The following VPS13B variants were observed in gnomAD, a reference collection of about 807,000 sequenced individuals.
VPS13B encodes the protein intermembrane lipid transfer protein VPS13B.
A neutral mutation model predicts 426.4 loss-of-function variants in VPS13B; 285 were observed. The observed-to-expected ratio is 0.67, with a 90% CI of 0.61 to 0.74. VPS13B has a LOEUF of 0.74. Among genes scored for constraint, VPS13B ranks in the 30% least tolerant of loss-of-function variants. The probability of loss-of-function intolerance (pLI) is 0.00; values close to 1 mark genes in which losing one functional copy is unlikely to be tolerated. For missense variants in VPS13B, 4,537 were observed against 4,782.6 expected, an observed-to-expected ratio of 0.95 and a Z score of 1.51; for synonymous variants, 1,676 against 1,676.4, an observed-to-expected ratio of 1.00 and a Z score of 0.01.
chr8:99,721,500 A>G (rs550506692), intron 39 of VPS13B, among the ~76,000 whole-genome samples: 1 of 152,194 alleles, frequency 6.6e-6, no homozygotes, highest in Admixed American at 6.5e-5. Flanking sequence ...TGATTTTTCT[A>G]TTAAAGAAAA....
intron 11 of VPS13B, among the ~76,000 whole-genome samples, chr8:99,135,993 A>T (rs1810052057): frequency 6.6e-6 from 1 of 152,028 alleles, no homozygotes; most frequent in Non-Finnish European, 1.5e-5. Flanking sequence ...ATGTTGAATT[A>T]CCTCTGTTAA....
intron 35 of VPS13B, among the ~76,000 whole-genome samples, chr8:99,678,977 G>A (rs1831049932): frequency 6.6e-6 from 1 of 151,998 alleles, no homozygotes; most frequent in Non-Finnish European, 1.5e-5. Context: ...TCTCACCATT[G>A]GCAGTGAGAA....
At chr8:99,284,269 A>G (rs1041807390) in intron 19 of VPS13B, among the ~76,000 whole-genome samples, 2 of 152,220 alleles carry the variant, frequency 1.3e-5, no homozygotes, top group Admixed American at 1.3e-4. Flanking sequence ...TCTTTATTAA[A>G]GCACCACCTT....
intron 3 of VPS13B, among the ~76,000 whole-genome samples, chr8:99,081,582 A>ATCCCCACAACAGGCCCCC (rs1845461747): frequency 7.5e-5 from 2 of 26,730 alleles, no homozygotes; most frequent in African/African-American, 1.4e-4. Context: ...CCCCTCCCCC[A>ATCCCCACAACAGGCCCCC]ACCCCACAAC....
intron 44 of VPS13B, among the ~76,000 whole-genome samples, chr8:99,814,029 A>G (rs1260993251): frequency 6.6e-6 from 1 of 152,114 alleles, no homozygotes; most frequent in Non-Finnish European, 1.5e-5. Flanking sequence ...AGTCCAAGCT[A>G]CTTAGGAGGC....
chr8:99,620,279 C>T (rs1828292852), intron 33 of VPS13B, among the ~76,000 whole-genome samples: 1 of 152,204 alleles, frequency 6.6e-6, no homozygotes, highest in Non-Finnish European at 1.5e-5. Context: ...AAGTTTAACC[C>T]AGTTCAGGTG....
At chr8:99,034,576 C>T (rs1019054929) in intron 2 of VPS13B, among the ~76,000 whole-genome samples, 12 of 152,066 alleles carry the variant, frequency 7.9e-5, no homozygotes, top group Non-Finnish European at 1.6e-4. Flanking sequence ...TACTATCTTG[C>T]ACATGCATAC....
intron 44 of VPS13B, among the ~76,000 whole-genome samples, chr8:99,811,473 A>G (rs1416741672): frequency 6.6e-6 from 1 of 152,116 alleles, no homozygotes; most frequent in Non-Finnish European, 1.5e-5. Context: ...CTGGGTCCCA[A>G]CCCCAGAGTT....
intron 23 of VPS13B, 112 bp downstream of exon 23, chr8:99,442,747 A>AT: frequency 8.8e-7 from 1 of 1,131,040 alleles, no homozygotes; most frequent in Admixed American, 2.1e-5. Context: ...TCATTGAAAG[A>AT]TTTTTCCTGA....
intron 39 of VPS13B, among the ~76,000 whole-genome samples, chr8:99,737,103 CTTCTT>C (rs1408133838): frequency 3.2e-4 from 16 of 50,680 alleles, no homozygotes; most frequent in African/African-American, 1.4e-3. Flanking sequence ...TGAAGATGTC[CTTCTT>C]TTTTTTTTTT....
chr8:99,470,424 A>G (rs916401026), intron 24 of VPS13B, among the ~76,000 whole-genome samples: 1 of 152,180 alleles, frequency 6.6e-6, no homozygotes, highest in African/African-American at 2.4e-5. Context: ...TGAAAAGGCA[A>G]TAAATCTCAA....
At chr8:99,085,940 A>G (rs1232581521) in intron 3 of VPS13B, among the ~76,000 whole-genome samples, 2 of 151,778 alleles carry the variant, frequency 1.3e-5, no homozygotes, top group African/African-American at 4.8e-5. Flanking sequence ...AGCAACAATT[A>G]TGTTGCTCTT....
chr8:99,619,294 G>A (rs558596247), intron 33 of VPS13B, among the ~76,000 whole-genome samples: 1 of 152,280 alleles, frequency 6.6e-6, no homozygotes, highest in East Asian at 1.9e-4. Context: ...GGAGGTTGCT[G>A]TGTATTTCCC....
rs557460802 is a variant in VPS13B, at chr8:99,260,235, A to G, written c.2516-13963A>G. On this transcript the variant is annotated intron_variant, in intron 17 of 61. Coordinates refer to ENST00000357162, the MANE Select transcript of VPS13B (RefSeq NM_152564.5). ...GTCAACAGATCTGGATGTTAGAATG[A>G]AAAGATTCTTTATTTCTATCAACTC... 3.9e-5 allele frequency among the ~76,000 whole-genome samples: 6 copies of G among 152,266 alleles called. No homozygotes were observed. In the South Asian group the frequency reaches 1.2e-3, roughly 32 times the overall value.
intron 21 of VPS13B, among the ~76,000 whole-genome samples, chr8:99,424,914 C>G (rs993250070): frequency 6.6e-6 from 1 of 152,132 alleles, no homozygotes; most frequent in Non-Finnish European, 1.5e-5. Flanking sequence ...ATACACACTA[C>G]CATCAGAGAA....
At chr8:99,803,633 T>TGG (rs1423634985) in intron 43 of VPS13B, among the ~76,000 whole-genome samples, 11 of 152,216 alleles carry the variant, frequency 7.2e-5, no homozygotes, top group African/African-American at 1.2e-4. Flanking sequence ...CACCAAGCAT[T>TGG]AGTCATTACC....
At chr8:99,803,253 G>T (rs1005622507) in intron 43 of VPS13B, among the ~76,000 whole-genome samples, 3 of 152,148 alleles carry the variant, frequency 2.0e-5, no homozygotes, top group Non-Finnish European at 4.4e-5. Flanking sequence ...GAATGTGTCA[G>T]GTTTCCCTCT....
At chr8:99,406,200 C>T (rs1268773993) in intron 21 of VPS13B, among the ~76,000 whole-genome samples, 1 of 151,936 alleles carries the variant, frequency 6.6e-6, no homozygotes, top group African/African-American at 2.4e-5. Context: ...ATCCTTAGAA[C>T]ACTTATCATG....
chr8:99,406,364 T>C (rs1431428932), intron 21 of VPS13B, among the ~76,000 whole-genome samples: 1 of 152,214 alleles, frequency 6.6e-6, no homozygotes, highest in Non-Finnish European at 1.5e-5. Flanking sequence ...CATGAATGAA[T>C]TAACCTTTTT....
Sources: gnomAD v4.1 joint callset for allele counts (sites outside exome capture counted in the v4.1 genomes callset) on GRCh38, gnomAD v4.1.1 for gene constraint, MANE v1.5 for transcripts, NCBI Gene and HGNC (gene_info 2026-07-23, HGNC 2026-07-21) for gene names.